PEBP4: variants seen among roughly 807,000 people sequenced by gnomAD.
The protein encoded by PEBP4 is phosphatidylethanolamine binding protein 4.
A neutral mutation model predicts 23.9 loss-of-function variants in PEBP4; 22 were observed. That is an observed-to-expected ratio of 0.92 (90% CI 0.66 to 1.31). The LOEUF (loss-of-function observed/expected upper bound fraction) is 1.31. Ranked by LOEUF, PEBP4 falls within the 40% of genes most tolerant of loss-of-function variation. The probability of loss-of-function intolerance (pLI) is 0.00; values close to 1 mark genes in which losing one functional copy is unlikely to be tolerated. For missense variants in PEBP4, 324 were observed against 281.7 expected (o/e 1.15, Z -1.07); for synonymous variants, 112 against 99.3 (o/e 1.13, Z -0.76).
chr8:22,750,903 T>A (rs899727962), intron 4 of PEBP4, among the ~76,000 whole-genome samples: 5 of 152,188 alleles, frequency 3.3e-5, no homozygotes, highest in Admixed American at 2.0e-4. Flanking sequence ...AATTTCTTTT[T>A]ATATGAGATG....
chr8:22,932,473 A>T (rs1809471877), upstream of PEBP4, among the ~76,000 whole-genome samples: 2 of 152,150 alleles, frequency 1.3e-5, no homozygotes, highest in Admixed American at 6.5e-5. Flanking sequence ...AGCAAAATGG[A>T]TGATTAGGAA....
At chr8:22,869,116 C>A (rs1022258509) in intron 3 of PEBP4, among the ~76,000 whole-genome samples, 26 of 152,306 alleles carry the variant, frequency 1.7e-4, no homozygotes, top group African/African-American at 5.8e-4. Context: ...TACTGGCTGG[C>A]CCCTCTGCCT....
intron 4 of PEBP4, among the ~76,000 whole-genome samples, chr8:22,760,886 G>A (rs890782541): frequency 6.6e-6 from 1 of 152,194 alleles, no homozygotes; most frequent in African/African-American, 2.4e-5. Context: ...GACCTTGAAC[G>A]TGTCTCTGAG....
chr8:22,790,302 G>C lies in PEBP4; in HGVS notation c.357+27335C>G, dbSNP rs1032593973. ...CAAGGAGGTCACAGTCCAGAGTGGG[G>C]GCAGAGACCCTTAGAACCAATTATC... On this transcript the variant is annotated intron_variant, in intron 4 of 6. Coordinates refer to ENST00000256404, the MANE Select transcript of PEBP4 (RefSeq NM_144962.3). Among the ~76,000 whole-genome samples, 7 of 152,170 alleles carry C rather than the reference G, an allele frequency of 4.6e-5. No individual in the cohort carries two copies. The South Asian group carries it at 1.0e-3, about 23-fold the overall frequency.
At chr8:22,726,984 G>A (rs925347657) in intron 5 of PEBP4, among the ~76,000 whole-genome samples, 191 bp downstream of exon 5, 1 of 152,158 alleles carries the variant, frequency 6.6e-6, no homozygotes, top group African/African-American at 2.4e-5. Context: ...CTGTGCCTCA[G>A]TGTTATCCTC....
chr8:22,771,266 A>T (rs1805712354), intron 4 of PEBP4, among the ~76,000 whole-genome samples: 1 of 152,240 alleles, frequency 6.6e-6, no homozygotes, highest in Non-Finnish European at 1.5e-5. Flanking sequence ...AGGTGGGTGG[A>T]TCACTTGAAG....
intron 6 of PEBP4, among the ~76,000 whole-genome samples, chr8:22,723,518 C>T (rs1013722049): frequency 6.6e-6 from 1 of 152,138 alleles, no homozygotes; most frequent in Admixed American, 6.5e-5. Context: ...CTCAGAGGCA[C>T]TGCTTCATTT....
chr8:22,919,267 A>T (rs1809149267), intron 3 of PEBP4, among the ~76,000 whole-genome samples: 1 of 152,142 alleles, frequency 6.6e-6, no homozygotes, highest in African/African-American at 2.4e-5. Context: ...AAAGGACCAG[A>T]AGGTCAGCCT....
At chr8:22,806,927 G>A (rs887751340) in intron 4 of PEBP4, among the ~76,000 whole-genome samples, 2 of 152,192 alleles carry the variant, frequency 1.3e-5, no homozygotes, top group Admixed American at 1.3e-4. Flanking sequence ...TGAGTGGTCA[G>A]GCATGATTTG....
chr8:22,873,628 T>C (rs1029105401), intron 3 of PEBP4, among the ~76,000 whole-genome samples: 1 of 152,188 alleles, frequency 6.6e-6, no homozygotes, highest in African/African-American at 2.4e-5. Context: ...CAACACTCTG[T>C]CTCAAAAATA....
At chr8:22,924,286 C>T (rs1265211043) in intron 2 of PEBP4, among the ~76,000 whole-genome samples, 1 of 152,118 alleles carries the variant, frequency 6.6e-6, no homozygotes, top group African/African-American at 2.4e-5. Flanking sequence ...ATTGCTTGAG[C>T]CCAGGTGTTC....
intron 3 of PEBP4, among the ~76,000 whole-genome samples, chr8:22,860,205 T>A (rs56083243): frequency 2.0e-5 from 2 of 101,278 alleles, no homozygotes; most frequent in Non-Finnish European, 4.0e-5. Flanking sequence ...TATATATATA[T>A]ACACATATAT....
chr8:22,765,954 A>C (rs1303466049), intron 4 of PEBP4, among the ~76,000 whole-genome samples: 1 of 152,112 alleles, frequency 6.6e-6, no homozygotes, highest in Non-Finnish European at 1.5e-5. Flanking sequence ...CCACCTGTGG[A>C]TCACCACAGT....
At chr8:22,914,637 T>C (rs1585341308) in intron 3 of PEBP4, among the ~76,000 whole-genome samples, 2 of 152,018 alleles carry the variant, frequency 1.3e-5, no homozygotes, top group Non-Finnish European at 2.9e-5. Flanking sequence ...TACCCGCAGG[T>C]AAACCTGTCC....
At chr8:22,928,720 C>G (rs1385796623), upstream of PEBP4, among the ~76,000 whole-genome samples, 1 of 152,206 alleles carries the variant, frequency 6.6e-6, no homozygotes, top group Non-Finnish European at 1.5e-5. Context: ...CTCCTGGCTT[C>G]TGCTCTGAGC....
At chr8:22,867,983 G>T (rs1320090227) in intron 3 of PEBP4, among the ~76,000 whole-genome samples, 1 of 152,210 alleles carries the variant, frequency 6.6e-6, no homozygotes, top group African/African-American at 2.4e-5. Context: ...CTCTGTGCAT[G>T]CACAGACCGT....
At chr8:22,846,599 G>C (rs1036460217) in intron 3 of PEBP4, among the ~76,000 whole-genome samples, 14 of 152,114 alleles carry the variant, frequency 9.2e-5, no homozygotes, top group African/African-American at 2.9e-4. Flanking sequence ...GGGTGACAGG[G>C]AGTCTAGGTT....
chr8:22,750,925 GGA>G (rs1276241625), intron 4 of PEBP4, among the ~76,000 whole-genome samples: 1 of 152,112 alleles, frequency 6.6e-6, no homozygotes, highest in Non-Finnish European at 1.5e-5. Flanking sequence ...ATGGATAGGG[GGA>G]GAGAGAGAGA....
chr8:22,913,984 ACTTT>A (rs1809010554), intron 3 of PEBP4, among the ~76,000 whole-genome samples: 1 of 117,480 alleles, frequency 8.5e-6, no homozygotes, highest in Non-Finnish European at 1.8e-5. Context: ...AGGCCTGGCT[ACTTT>A]TTTTTTTTTT....
Sources: gnomAD v4.1 joint callset for allele counts (sites outside exome capture counted in the v4.1 genomes callset) on GRCh38, gnomAD v4.1.1 for gene constraint, MANE v1.5 for transcripts, NCBI Gene and HGNC (gene_info 2026-07-23, HGNC 2026-07-21) for gene names.